Variants in MFF observed in about 807,000 individuals in gnomAD.
MFF encodes the protein chromosome 2 open reading frame 33.
A neutral mutation model predicts 36.9 loss-of-function variants in MFF; 12 were observed. That is an observed-to-expected ratio of 0.33 (90% CI 0.21 to 0.53). MFF has a LOEUF of 0.53. MFF is among the 20% of genes least tolerant of loss of function. MFF has a pLI of 0.95. For missense variants in MFF, 348 were observed against 366.6 expected (o/e 0.95, Z 0.42); for synonymous variants, 99 against 126.2 (o/e 0.78, Z 1.44).
At position 227,331,959 on chromosome 2, in the gene MFF, A is replaced by ATTTTT. The variant is rs10549336; in HGVS notation, c.182-434_182-430dup. On this transcript the variant is annotated intron_variant, in intron 3 of 8. Transcript: ENST00000304593. ...AGTGAAATGTCAATACGCTGGAAGC[A>ATTTTT]TTTTTTTTTTTTTTTTTTTTTTTTT... Among the ~76,000 whole-genome samples the ATTTTT allele has an allele frequency of 2.0e-4, 15 of 76,816 alleles. 2 individuals are homozygous for ATTTTT. Among genetic ancestry groups the ATTTTT allele is most frequent in the African/African-American group, 5.5e-4 (12 of 21,924 alleles). The allele number at this position is 76,816 out of a possible 152,430, so 50.4% of individuals were successfully genotyped here.
chr2:227,328,295 C>CAAAAA, intron 1 of MFF, among the ~76,000 whole-genome samples: 2 of 72,634 alleles, frequency 2.8e-5, no homozygotes, highest in South Asian at 5.5e-4. Context: ...GCCCGGGTGA[C>CAAAAA]AAAAAAAAAA....
chr2:227,349,021 C>G (rs2075854114), intron 6 of MFF, among the ~76,000 whole-genome samples: 1 of 151,998 alleles, frequency 6.6e-6, no homozygotes, highest in African/African-American at 2.4e-5. Flanking sequence ...ACAATAAGTC[C>G]TTAGTGGAGA....
At chr2:227,326,289 C>T (rs2074120237) in intron 1 of MFF, among the ~76,000 whole-genome samples, 2 of 149,876 alleles carry the variant, frequency 1.3e-5, no homozygotes, top group African/African-American at 4.9e-5. Flanking sequence ...ATTCAGGCCT[C>T]TCATCCACCG....
At chr2:227,343,863 C>T (rs1335967847) in intron 5 of MFF, among the ~76,000 whole-genome samples, 1 of 152,166 alleles carries the variant, frequency 6.6e-6, no homozygotes, top group Non-Finnish European at 1.5e-5. Flanking sequence ...TCTCAGTTCA[C>T]TGCAACCTCC....
At chr2:227,346,150 TAGAAA>T (rs1480703193) in intron 5 of MFF, 4 of 166,692 alleles carry the variant, frequency 2.4e-5, no homozygotes, top group African/African-American at 9.6e-5. Flanking sequence ...TACATGCTGT[TAGAAA>T]AGATTACACA....
At position 227,352,546 on chromosome 2, in the gene MFF, C is replaced by T. The variant is rs765713755; in HGVS notation, c.632C>T (p.Thr211Ile). The part of the protein sequence containing the change: ...PVLRGGSAAA[T>I]SNPHHDNVRY... ...TTGCGTGGTGGGTCTGCTGCCGCCACTTCTAATCCTCATCATGACAACGTC... is the reference window on the plus strand; with the variant it reads ...TTGCGTGGTGGGTCTGCTGCCGCCATTTCTAATCCTCATCATGACAACGTC... Residue 211 changes from threonine (T) to isoleucine (I), a missense_variant, in exon 7 of 9, where the codon ACT becomes ATT. By Grantham distance (89) the Thr-to-Ile change is moderately conservative. Coordinates refer to ENST00000304593, the MANE Select transcript of MFF (RefSeq NM_001277062.2). 1 of 1,613,840 alleles carries T rather than the reference C, an allele frequency of 6.2e-7. No individual in the cohort carries two copies. The highest frequency in any genetic ancestry group is 8.5e-7 in the Non-Finnish European group (1 of 1,179,792).
At chr2:227,329,853 C>G (rs534675623) in intron 2 of MFF, 2 of 1,067,790 alleles carry the variant, frequency 1.9e-6, no homozygotes, top group Non-Finnish European at 2.8e-6. Context: ...AGCTTACTGC[C>G]GTAGGCTAAC....
Position 227,356,977 on chromosome 2 carries a change from T to G in MFF, c.745-9T>G. 6.6e-7 allele frequency: 1 copy of G among 1,525,044 alleles called. No homozygotes were observed. Among genetic ancestry groups the G allele is most frequent in the Non-Finnish European group, 8.9e-7 (1 of 1,126,370 alleles). 94.5% of individuals were successfully genotyped at this position (1,525,044 alleles called of 1,614,324 possible). ...TATTATATTTTTTGTGTGTTTGTTTTTCACTTAGATAATCAAACTAAATAG... is the reference window on the plus strand; with the variant it reads ...TATTATATTTTTTGTGTGTTTGTTTGTCACTTAGATAATCAAACTAAATAG... On this transcript the variant is annotated splice_polypyrimidine_tract_variant and intron_variant, in intron 8 of 8. Coordinates refer to ENST00000304593, the MANE Select transcript of MFF (RefSeq NM_001277062.2).
intron 5 of MFF, among the ~76,000 whole-genome samples, chr2:227,344,805 C>T (rs2075620252): frequency 6.6e-6 from 1 of 151,612 alleles, no homozygotes; most frequent in South Asian, 2.1e-4. Flanking sequence ...AATTTTTTTA[C>T]TAATCTTTGA....
intron 2 of MFF, chr2:227,329,894 T>A: frequency 1.5e-6 from 1 of 655,824 alleles, no homozygotes. Flanking sequence ...TCAGCTTTTG[T>A]ATTGGCGGCA....
intron 4 of MFF, among the ~76,000 whole-genome samples, chr2:227,337,969 C>T (rs945729701): frequency 1.3e-5 from 2 of 151,692 alleles, no homozygotes; most frequent in Admixed American, 1.3e-4. Context: ...CTCTTGAACC[C>T]GGGAGGCAGA....
At chr2:227,341,817 A>T (rs1669144848) in intron 5 of MFF, among the ~76,000 whole-genome samples, 1 of 152,132 alleles carries the variant, frequency 6.6e-6, no homozygotes, top group African/African-American at 2.4e-5. Flanking sequence ...GATGTGGCTT[A>T]CTATTTAGGT....
At chr2:227,330,390 A>T (rs563512347) in intron 2 of MFF, 33 of 479,448 alleles carry the variant, frequency 6.9e-5, no homozygotes, top group African/African-American at 2.9e-4. Context: ...ATAATAATTT[A>T]AAAAATTTGC....
At position 227,356,627 on chromosome 2, in the gene MFF, C is replaced by T. The variant is rs573482729; in HGVS notation, c.745-359C>T. 1.2e-4 allele frequency among the ~76,000 whole-genome samples: 19 copies of T among 152,182 alleles called. No individual in the cohort carries two copies. The East Asian group carries it at 1.7e-3, about 14-fold the overall frequency. Reference sequence around the variant, plus strand: ...GAGGCATAGAAAGGGGAAGGAGTCCCGTATTCTTTCTGCTGTGGTAAGCCT... The same window carrying T: ...GAGGCATAGAAAGGGGAAGGAGTCCTGTATTCTTTCTGCTGTGGTAAGCCT... On this transcript the variant is annotated intron_variant, in intron 8 of 8. Transcript: ENST00000304593.
At chr2:227,342,277 A>T (rs1298918773) in intron 5 of MFF, among the ~76,000 whole-genome samples, 3 of 152,092 alleles carry the variant, frequency 2.0e-5, no homozygotes, top group Admixed American at 2.0e-4. Context: ...TAATAATGTA[A>T]CTTTGCCCTT....
chr2:227,350,223 G>A (rs2075920601), intron 6 of MFF, among the ~76,000 whole-genome samples: 1 of 152,042 alleles, frequency 6.6e-6, no homozygotes, highest in Non-Finnish European at 1.5e-5. Flanking sequence ...AAAGCACCAG[G>A]TGTGTCATTT....
chr2:227,327,227 C>T (rs1244619367), intron 1 of MFF, among the ~76,000 whole-genome samples: 1 of 151,350 alleles, frequency 6.6e-6, no homozygotes, highest in African/African-American at 2.4e-5. Context: ...GTTTGGGAAC[C>T]ACTGGGCTTA....
In MFF at chr2:227,332,003, G is replaced by A. The variant is rs560700860; in HGVS notation, c.182-416G>A. On this transcript the variant is annotated intron_variant, in intron 3 of 8. Transcript: ENST00000304593. ...TTTTTTTTTTTTGAGACGGAGTCTCGCTCTGTCGCCCAGGCTGGAGTGCAG... is the reference window on the plus strand; with the variant it reads ...TTTTTTTTTTTTGAGACGGAGTCTCACTCTGTCGCCCAGGCTGGAGTGCAG... 2.4e-4 allele frequency among the ~76,000 whole-genome samples: 26 copies of A among 106,472 alleles called. 1 individual carries two copies. The East Asian group carries it at 6.7e-3, about 27-fold the overall frequency. 69.8% of individuals were successfully genotyped at this position (106,472 alleles called of 152,430 possible). A position where few individuals can be genotyped will look rare whatever the true frequency, so the allele number is the denominator to read the frequency against.
intron 7 of MFF, among the ~76,000 whole-genome samples, 173 bp downstream of exon 7, chr2:227,352,746 C>T (rs2076065671): frequency 6.6e-6 from 1 of 152,144 alleles, no homozygotes; most frequent in Non-Finnish European, 1.5e-5. Flanking sequence ...TCAGTCATGA[C>T]ATTTGGCCAA....
Sources: allele counts gnomAD v4.1 joint callset (sites outside exome capture counted in the v4.1 genomes callset), GRCh38; gene constraint gnomAD v4.1.1; transcripts MANE v1.5; gene names NCBI Gene and HGNC (gene_info 2026-07-23, HGNC 2026-07-21).